Variants in PDE7B observed in about 807,000 individuals in gnomAD.
PDE7B encodes phosphodiesterase 7B, also known as 3',5'-cyclic-AMP phosphodiesterase 7B.
A neutral mutation model predicts 56.2 loss-of-function variants in PDE7B; 29 were observed. The ratio of observed to expected loss-of-function variants is 0.52; its 90% confidence interval spans 0.38 to 0.70. The LOEUF (loss-of-function observed/expected upper bound fraction) is 0.70. PDE7B is among the 30% of genes least tolerant of loss of function. The probability of loss-of-function intolerance (pLI) is 0.00; values close to 1 mark genes in which losing one functional copy is unlikely to be tolerated. For synonymous variants in PDE7B, 197 were observed against 196.9 expected (o/e 1.00, Z 0.00); for missense variants, 490 against 565.0 (o/e 0.87, Z 1.35).
rs756652222 is a variant in PDE7B at position 136,187,099 on chromosome 6, T to C, written c.1109T>C (p.Ile370Thr). 6.4e-7 allele frequency: 1 copy of C among 1,562,390 alleles called. No homozygotes were observed. The highest frequency in any genetic ancestry group is 8.8e-7 in the Non-Finnish European group (1 of 1,134,136). Residue 370 changes from isoleucine to threonine, a missense_variant, in exon 12 of 13, where the codon ATC (isoleucine) becomes ACC (threonine). By Grantham distance (89) the Ile-to-Thr change is moderately conservative. Coordinates refer to ENST00000308191, the MANE Select transcript of PDE7B (RefSeq NM_018945.4). ...SPLCNQQKDS[I>T]PSIQIGFMSY... is the part of the protein sequence containing the mutation. ...CTTTGTAATCAACAGAAAGATTCCA[T>C]CCCTAGTATACAAATTGGTGAGTTG...
intron 2 of PDE7B, among the ~76,000 whole-genome samples, chr6:135,982,387 G>A (rs1554271327): frequency 6.6e-6 from 1 of 152,008 alleles, no homozygotes; most frequent in Non-Finnish European, 1.5e-5. Context: ...AGGTTCACAT[G>A]TTAGCTCTCT....
At chr6:135,936,226 A>G (rs191278310) in intron 1 of PDE7B, among the ~76,000 whole-genome samples, 3 of 152,348 alleles carry the variant, frequency 2.0e-5, no homozygotes. Context: ...GTTTGTCCTG[A>G]GTAAATATTC....
At chr6:135,993,278 G>T (rs902472836) in intron 2 of PDE7B, 2 of 152,222 alleles carry the variant, frequency 1.3e-5, no homozygotes, top group East Asian at 3.8e-4. Context: ...CCGCAATAGA[G>T]TTGAAGGTAT....
Position 135,990,637 on chromosome 6 carries a change from T to TG in PDE7B, c.82+43115dup, listed in dbSNP as rs541048726. ...TTTTCTGGAGATATATTGTGCAACA[T>TG]GGTGACTATGGTTAATGACGACATA... On this transcript the variant is annotated intron_variant, in intron 2 of 12. Coordinates refer to ENST00000308191, the MANE Select transcript of PDE7B (RefSeq NM_018945.4). Among the ~76,000 whole-genome samples, 21 of 152,310 alleles carry TG rather than the reference T, an allele frequency of 1.4e-4. No homozygotes were observed. In the South Asian group the frequency reaches 4.1e-3, roughly 30 times the overall value.
chr6:136,154,269 G>GT, intron 7 of PDE7B, 94 bp downstream of exon 7: 2 of 694,626 alleles, frequency 2.9e-6, no homozygotes, highest in Non-Finnish European at 5.2e-6. Flanking sequence ...GAGTAACTAT[G>GT]TTATGTGTCA....
At chr6:135,911,607 T>G (rs1776213409) in intron 1 of PDE7B, among the ~76,000 whole-genome samples, 2 of 152,230 alleles carry the variant, frequency 1.3e-5, no homozygotes, top group African/African-American at 4.8e-5. Flanking sequence ...TTTTTCACCA[T>G]GCTATCTATG....
At chr6:135,985,410 A>G (rs1375472662) in intron 2 of PDE7B, among the ~76,000 whole-genome samples, 1 of 152,194 alleles carries the variant, frequency 6.6e-6, no homozygotes, top group Non-Finnish European at 1.5e-5. Flanking sequence ...TTGGAGGTCC[A>G]AAGTTTTCCA....
intron 1 of PDE7B, among the ~76,000 whole-genome samples, chr6:135,855,164 C>T (rs1775002624): frequency 6.6e-6 from 1 of 152,168 alleles, no homozygotes; most frequent in Non-Finnish European, 1.5e-5. Flanking sequence ...TCTCTAACAT[C>T]CATTTTAGAT....
intron 2 of PDE7B, among the ~76,000 whole-genome samples, chr6:136,015,312 A>G (rs896170909): frequency 2.0e-5 from 3 of 152,234 alleles, no homozygotes; most frequent in African/African-American, 7.2e-5. Context: ...CACAATTGTC[A>G]GCGGATATAA....
chr6:136,032,641 C>T (rs1043716439), intron 2 of PDE7B, among the ~76,000 whole-genome samples: 2 of 152,160 alleles, frequency 1.3e-5, no homozygotes, highest in East Asian at 1.9e-4. Flanking sequence ...CCCAAATTTC[C>T]GAAGTGAGAC....
chr6:135,911,630 T>C (rs1254782668), intron 1 of PDE7B, among the ~76,000 whole-genome samples: 1 of 152,176 alleles, frequency 6.6e-6, no homozygotes, highest in Non-Finnish European at 1.5e-5. Flanking sequence ...TTTTTGTGTT[T>C]GCTGTGTATG....
chr6:135,992,343 T>C (rs1775493518), intron 2 of PDE7B, among the ~76,000 whole-genome samples: 1 of 152,252 alleles, frequency 6.6e-6, no homozygotes, highest in Admixed American at 6.5e-5. Context: ...TTGTTCTAGA[T>C]ATTTTCACCA....
intron 2 of PDE7B, among the ~76,000 whole-genome samples, chr6:136,076,688 G>A (rs1032865999): frequency 6.6e-5 from 10 of 152,086 alleles, no homozygotes; most frequent in Non-Finnish European, 1.3e-4. Flanking sequence ...CCTGGCAGAA[G>A]ACTAAGATGT....
chr6:135,984,588 T>G (rs1352537837), intron 2 of PDE7B, among the ~76,000 whole-genome samples: 2 of 152,114 alleles, frequency 1.3e-5, no homozygotes, highest in Non-Finnish European at 2.9e-5. Context: ...CCAATCCAGG[T>G]CTATTCCAGG....
At chr6:135,925,452 C>T (rs149022932) in intron 1 of PDE7B, among the ~76,000 whole-genome samples, 210 of 152,288 alleles carry the variant, frequency 1.4e-3, no homozygotes, top group Non-Finnish European at 2.3e-3. Flanking sequence ...TGTGATCTTA[C>T]ATTGCAAAAC....
At chr6:136,080,122 CAAAT>C (rs1375220137) in intron 2 of PDE7B, among the ~76,000 whole-genome samples, 3 of 152,152 alleles carry the variant, frequency 2.0e-5, no homozygotes, top group South Asian at 2.1e-4. Flanking sequence ...TCAAGCTGAG[CAAAT>C]AAATAACCCT....
intron 8 of PDE7B, 52 bp from the exon 9 acceptor site, chr6:136,173,745 A>G: frequency 8.7e-7 from 1 of 1,155,804 alleles, no homozygotes; most frequent in South Asian, 1.2e-5. Flanking sequence ...AGCATGAAAG[A>G]TCAGTATCTG....
chr6:135,937,517 C>T (rs982400418), intron 1 of PDE7B, among the ~76,000 whole-genome samples: 3 of 152,178 alleles, frequency 2.0e-5, no homozygotes, highest in African/African-American at 4.8e-5. Flanking sequence ...AAACACCCTC[C>T]CAGCTTATCT....
At chr6:135,930,851 T>G (rs571125865) in intron 1 of PDE7B, among the ~76,000 whole-genome samples, 16 of 152,208 alleles carry the variant, frequency 1.1e-4, no homozygotes, top group Non-Finnish European at 2.4e-4. Flanking sequence ...TGAGGCTACT[T>G]GGAGTTCTAT....
Sources: gnomAD v4.1 joint callset for allele counts (sites outside exome capture counted in the v4.1 genomes callset) on GRCh38, gnomAD v4.1.1 for gene constraint, MANE v1.5 for transcripts, NCBI Gene and HGNC (gene_info 2026-07-23, HGNC 2026-07-21) for gene names.